The following DPYD variants were observed in gnomAD, a reference collection of about 807,000 sequenced individuals.
The protein encoded by DPYD is dihydropyrimidine dehydrogenase [NADP(+)].
DPYD carries 109 observed loss-of-function variants against 116.2 expected under a neutral mutation model. That is an observed-to-expected ratio of 0.94 (90% CI 0.80 to 1.10). The LOEUF is 1.10. Ranked by LOEUF, DPYD falls within the 50% of genes least tolerant of loss-of-function variation. The pLI is 0.00. For synonymous variants in DPYD, 440 were observed against 432.0 expected (o/e 1.02, Z -0.23); for missense variants, 1,302 against 1,254.5 (o/e 1.04, Z -0.57).
intron 16 of DPYD, among the ~76,000 whole-genome samples, chr1:97,334,173 C>T (rs1669169739): frequency 6.6e-6 from 1 of 152,148 alleles, no homozygotes; most frequent in Non-Finnish European, 1.5e-5. Context: ...AGTCTCAGCA[C>T]TAGTAGATTT....
chr1:97,208,291 T>G (rs942061932), intron 19 of DPYD, among the ~76,000 whole-genome samples: 13 of 151,342 alleles, frequency 8.6e-5, no homozygotes, highest in African/African-American at 2.7e-4. Flanking sequence ...CTCTCTCTCT[T>G]TCTTTTTTTT....
rs115985338 is a variant in DPYD at position 97,337,426 on chromosome 1, G to A, written c.2059-31129C>T. ...CTCGTGTTATGCTTCCTGTCCAAAC[G>A]AAAGCTACTAATTTCCCACTCTCCA... is the stretch of plus-strand genomic sequence containing the variant. On this transcript the variant is annotated intron_variant, in intron 16 of 22. Coordinates refer to ENST00000370192, the MANE Select transcript of DPYD (RefSeq NM_000110.4). 5.4e-3 allele frequency among the ~76,000 whole-genome samples: 823 copies of A among 152,148 alleles called. 7 individuals are homozygous for A. The highest frequency in any genetic ancestry group is 0.019 in the African/African-American group (776 of 41,502).
intron 16 of DPYD, among the ~76,000 whole-genome samples, chr1:97,324,348 C>G (rs1668601319): frequency 2.0e-5 from 3 of 152,048 alleles, no homozygotes; most frequent in Non-Finnish European, 4.4e-5. Context: ...TATGGCATCA[C>G]ACTTCCTGAC....
intron 12 of DPYD, among the ~76,000 whole-genome samples, chr1:97,526,602 C>T (rs1228351528): frequency 2.6e-5 from 4 of 152,082 alleles, no homozygotes; most frequent in Non-Finnish European, 4.4e-5. Flanking sequence ...TTCCTAGTTC[C>T]TAATTATCAA....
chr1:97,390,075 C>T (rs887823724), intron 14 of DPYD, among the ~76,000 whole-genome samples: 3 of 152,024 alleles, frequency 2.0e-5, no homozygotes, highest in Non-Finnish European at 2.9e-5. Flanking sequence ...ATAAAACTTG[C>T]AATGGCTTAC....
At position 97,257,438 on chromosome 1, in the gene DPYD, T is replaced by C. The variant is rs1663558702; in HGVS notation, c.2300-22444A>G. ...AAGTAAAAGTACATATACATACGTA[T>C]ATATATATATATATAGAGAGAGAGA... On this transcript the variant is annotated intron_variant, in intron 18 of 22. Coordinates refer to ENST00000370192, the MANE Select transcript of DPYD (RefSeq NM_000110.4). Among the ~76,000 whole-genome samples, 8 of 113,658 alleles carry C rather than the reference T, an allele frequency of 7.0e-5. No individual in the cohort carries two copies. The South Asian group carries it at 2.7e-3, about 39-fold the overall frequency. The allele number at this position is 113,658 out of a possible 152,430, so 74.6% of individuals were successfully genotyped here.
At chr1:97,173,249 C>CAT (rs772413951) in intron 20 of DPYD, among the ~76,000 whole-genome samples, 31 of 116,826 alleles carry the variant, frequency 2.7e-4, no homozygotes, top group South Asian at 4.9e-4. Context: ...CATATATGTA[C>CAT]ATATATGCAC....
In DPYD at chr1:97,108,344, A is replaced by G. The variant is rs570843320; in HGVS notation, c.2623-9712T>C. ...ATGAGGGGGTTTGACTACATGATCT[A>G]TGAGGTCCCTCCCAGTGATATGATC... On this transcript the variant is annotated intron_variant, in intron 20 of 22. Transcript: ENST00000370192. Among the ~76,000 whole-genome samples the G allele has an allele frequency of 3.9e-5, 6 of 152,154 alleles. No individual in the cohort carries two copies. The South Asian group carries it at 1.0e-3, about 26-fold the overall frequency.
At chr1:97,647,434 T>G (rs1658331476) in intron 8 of DPYD, among the ~76,000 whole-genome samples, 1 of 151,978 alleles carries the variant, frequency 6.6e-6, no homozygotes, top group Admixed American at 6.6e-5. Context: ...AAAACAATAA[T>G]AAGAACAATA....
At position 97,725,606 on chromosome 1, in the gene DPYD, C is replaced by T. The variant is rs926327501; in HGVS notation, c.322-3935G>A. Among the ~76,000 whole-genome samples, 7 of 151,532 alleles carry T rather than the reference C, an allele frequency of 4.6e-5. No homozygotes were observed. The East Asian group carries it at 1.4e-3, about 29-fold the overall frequency. The stretch of plus-strand genomic sequence containing the variant: ...CTGACATGAGGATAAGCATGTAGAT[C>T]AATGTGATATAAATATGAGTCCAGA... On this transcript the variant is annotated intron_variant, in intron 4 of 22. Coordinates refer to ENST00000370192, the MANE Select transcript of DPYD (RefSeq NM_000110.4).
intron 3 of DPYD, among the ~76,000 whole-genome samples, chr1:97,803,534 CACAT>C (rs1198762060): frequency 1.3e-5 from 2 of 151,808 alleles, no homozygotes; most frequent in African/African-American, 4.8e-5. Flanking sequence ...AATATGGACA[CACAT>C]ACTTCTATCC....
chr1:97,095,089 G>C (rs1425572694), intron 21 of DPYD, among the ~76,000 whole-genome samples: 2 of 152,098 alleles, frequency 1.3e-5, no homozygotes, highest in African/African-American at 2.4e-5. Context: ...AATTAAATAA[G>C]GAGTTTAGAA....
At chr1:97,173,046 C>A (rs1656851234) in intron 20 of DPYD, among the ~76,000 whole-genome samples, 4 of 151,910 alleles carry the variant, frequency 2.6e-5, no homozygotes, top group Admixed American at 2.6e-4. Flanking sequence ...GTTACGGGCA[C>A]AATGTTTGTA....
chr1:97,806,667 T>C (rs182428357), intron 3 of DPYD, among the ~76,000 whole-genome samples: 5 of 152,052 alleles, frequency 3.3e-5, no homozygotes, highest in African/African-American at 4.8e-5. Flanking sequence ...TGACACATCA[T>C]TATCACACAA....
chr1:97,300,173 T>G (rs948233905), intron 18 of DPYD, among the ~76,000 whole-genome samples: 2 of 152,206 alleles, frequency 1.3e-5, no homozygotes, highest in Middle Eastern at 3.4e-3. Context: ...ACAGGCCAGA[T>G]TTTTTGCATT....
intron 8 of DPYD, among the ~76,000 whole-genome samples, chr1:97,621,377 C>T (rs543886485): frequency 2.6e-4 from 39 of 152,022 alleles, no homozygotes; most frequent in Non-Finnish European, 4.4e-4. Context: ...TAGAGAGAGG[C>T]TACAATGGTC....
chr1:97,840,126 C>T (rs768346757), intron 2 of DPYD, among the ~76,000 whole-genome samples: 19 of 152,040 alleles, frequency 1.2e-4, no homozygotes, highest in Non-Finnish European at 2.6e-4. Flanking sequence ...CAAAAAATGA[C>T]ATAATGTTTG....
intron 19 of DPYD, among the ~76,000 whole-genome samples, chr1:97,221,555 C>T (rs1412403425): frequency 6.6e-6 from 1 of 151,964 alleles, no homozygotes; most frequent in Admixed American, 6.6e-5. Context: ...ATATATTTTG[C>T]TATGGTCTAA....
rs1008982882 is a variant in DPYD, at chr1:97,199,567, C to A, written c.2443-6319G>T. Among the ~76,000 whole-genome samples, 29 of 151,526 alleles carry A rather than the reference C, an allele frequency of 1.9e-4. 1 individual carries two copies. The highest frequency in any genetic ancestry group is 1.3e-4 in the Admixed American group (2 of 15,184). On this transcript the variant is annotated intron_variant, in intron 19 of 22. Transcript: ENST00000370192. ...AGGATATAATTTTTTTAATGTAATA[C>A]ATTTTTGGTCAAATACTGCAGAGGA...
Sources: gnomAD v4.1 joint callset for allele counts (sites outside exome capture counted in the v4.1 genomes callset) on GRCh38, gnomAD v4.1.1 for gene constraint, MANE v1.5 for transcripts, NCBI Gene and HGNC (gene_info 2026-07-23, HGNC 2026-07-21) for gene names.